The following KCNH1 variants were observed in gnomAD, a reference collection of about 807,000 sequenced individuals.
KCNH1 encodes voltage-gated delayed rectifier potassium channel KCNH1.
Under a neutral mutation model 69.2 loss-of-function variants are expected in KCNH1, and 27 were observed. The ratio of observed to expected loss-of-function variants is 0.39; its 90% CI spans 0.29 to 0.54. The LOEUF is 0.54. KCNH1 is among the 20% of genes least tolerant of loss of function. The probability of loss-of-function intolerance (pLI) is 0.68; values close to 1 mark genes in which losing one functional copy is unlikely to be tolerated. For missense variants in KCNH1, 798 were observed against 1,261.6 expected (o/e 0.63, Z 5.57); for synonymous variants, 456 against 487.7 (o/e 0.93, Z 0.86).
At chr1:211,082,732 G>T in intron 5 of KCNH1, 48 bp downstream of exon 5, 1 of 1,448,468 alleles carries the variant, frequency 6.9e-7, no homozygotes, top group Non-Finnish European at 9.6e-7. Flanking sequence ...CTCAGCCCAT[G>T]CACCCCCTAA....
intron 10 of KCNH1, among the ~76,000 whole-genome samples, chr1:210,724,242 C>T (rs1303053054): frequency 1.3e-5 from 2 of 152,174 alleles, no homozygotes; most frequent in African/African-American, 2.4e-5. Flanking sequence ...GAATCCCAAA[C>T]TACAGTGCCC....
At position 210,844,304 on chromosome 1, in the gene KCNH1, C is replaced by T. The variant is rs189564228; in HGVS notation, c.1463-40138G>A. 8.6e-4 allele frequency among the ~76,000 whole-genome samples: 131 copies of T among 152,180 alleles called. 1 individual carries two copies. In the East Asian group the frequency reaches 0.017, roughly 20 times the overall value. On this transcript the variant is annotated intron_variant, in intron 7 of 10. Transcript: ENST00000271751. Reference sequence around the variant, plus strand: ...TTGGGAGACCAAGGCAGGTGGGTCACGAGGTCAAGAGATCGAGACCATCCT... The same window carrying T: ...TTGGGAGACCAAGGCAGGTGGGTCATGAGGTCAAGAGATCGAGACCATCCT...
intron 6 of KCNH1, among the ~76,000 whole-genome samples, chr1:210,979,488 T>C (rs1688673365): frequency 6.6e-6 from 1 of 152,246 alleles, no homozygotes. Flanking sequence ...TTTTAATTAT[T>C]AGTAACGTTG....
chr1:211,045,197 A>G (rs1373428240), intron 5 of KCNH1, among the ~76,000 whole-genome samples: 1 of 151,722 alleles, frequency 6.6e-6, no homozygotes, highest in African/African-American at 2.4e-5. Flanking sequence ...GCTCTCACTT[A>G]TAAGTAGGAG....
At chr1:210,764,909 CAT>C (rs1683593998) in intron 10 of KCNH1, among the ~76,000 whole-genome samples, 1 of 152,164 alleles carries the variant, frequency 6.6e-6, no homozygotes, top group Non-Finnish European at 1.5e-5. Context: ...CACCTGCACT[CAT>C]ATGTTTATCA....
intron 7 of KCNH1, among the ~76,000 whole-genome samples, chr1:210,808,627 C>T (rs567375845): frequency 1.8e-4 from 28 of 152,068 alleles, no homozygotes; most frequent in South Asian, 1.0e-3. Flanking sequence ...AACTCCTGGC[C>T]TCAAGCAGTC....
At chr1:211,035,500 G>A (rs1413201929) in intron 5 of KCNH1, among the ~76,000 whole-genome samples, 3 of 151,602 alleles carry the variant, frequency 2.0e-5, no homozygotes, top group Non-Finnish European at 2.9e-5. Flanking sequence ...CGCCCGCCTC[G>A]GCCTCCCAAA....
At chr1:211,093,185 G>A (rs191062686) in intron 3 of KCNH1, among the ~76,000 whole-genome samples, 8 of 152,234 alleles carry the variant, frequency 5.3e-5, no homozygotes, top group Admixed American at 3.3e-4. Context: ...GACTACAGGG[G>A]TGGATGACAC....
chr1:211,122,220 G>GA (rs1691700565), intron 1 of KCNH1, among the ~76,000 whole-genome samples: 2 of 151,684 alleles, frequency 1.3e-5, no homozygotes, highest in Non-Finnish European at 2.9e-5. Context: ...ACAAACATAT[G>GA]AAAAAAACTC....
intron 10 of KCNH1, among the ~76,000 whole-genome samples, chr1:210,747,739 G>A (rs1039214121): frequency 1.3e-5 from 2 of 151,616 alleles, no homozygotes; most frequent in Non-Finnish European, 2.9e-5. Context: ...GTATTCTACC[G>A]AGTTCTTTAC....
rs531818889 is a variant in KCNH1 at position 210,729,516 on chromosome 1, G to A, written c.2113-45378C>T. ...TGACACCACATTTCTCTTCACTCAAGAAAGCATATTGAAACTCAAGTGAGT... is the reference window on the plus strand; with the variant it reads ...TGACACCACATTTCTCTTCACTCAAAAAAGCATATTGAAACTCAAGTGAGT... On this transcript the variant is annotated intron_variant, in intron 10 of 10. Transcript: ENST00000271751. 9.8e-5 allele frequency among the ~76,000 whole-genome samples: 15 copies of A among 152,306 alleles called. No homozygotes were observed. The East Asian group carries it at 2.9e-3, about 29-fold the overall frequency.
intron 5 of KCNH1, among the ~76,000 whole-genome samples, chr1:211,044,767 G>A (rs1338077857): frequency 6.6e-6 from 1 of 151,864 alleles, no homozygotes; most frequent in Non-Finnish European, 1.5e-5. Flanking sequence ...TGTCAGCATG[G>A]ATGTGGTGAA....
At chr1:210,689,962 C>T (rs1437339079) in intron 10 of KCNH1, among the ~76,000 whole-genome samples, 2 of 152,224 alleles carry the variant, frequency 1.3e-5, no homozygotes, top group African/African-American at 4.8e-5. Flanking sequence ...TGCTACTCTG[C>T]TGTCCCCTGT....
chr1:210,964,121 G>A (rs1688349935), intron 6 of KCNH1, among the ~76,000 whole-genome samples: 1 of 152,158 alleles, frequency 6.6e-6, no homozygotes, highest in Non-Finnish European at 1.5e-5. Flanking sequence ...AGCCAGAAGT[G>A]GGGACCAATA....
intron 6 of KCNH1, among the ~76,000 whole-genome samples, chr1:211,014,531 G>C (rs1689457518): frequency 6.6e-6 from 1 of 152,172 alleles, no homozygotes; most frequent in Non-Finnish European, 1.5e-5. Flanking sequence ...TATATCCACA[G>C]GGCTGAATTC....
At chr1:210,876,281 A>G (rs1315605680) in intron 7 of KCNH1, among the ~76,000 whole-genome samples, 1 of 152,194 alleles carries the variant, frequency 6.6e-6, no homozygotes, top group African/African-American at 2.4e-5. Context: ...AGATTGGTAG[A>G]TCAAAGAACC....
chr1:210,792,434 T>C (rs1272597547), intron 9 of KCNH1, among the ~76,000 whole-genome samples: 2 of 152,184 alleles, frequency 1.3e-5, no homozygotes, highest in Non-Finnish European at 2.9e-5. Context: ...GTGCTTTCTT[T>C]CCATGTGCTA....
At chr1:210,948,749 C>T (rs1046293894) in intron 6 of KCNH1, among the ~76,000 whole-genome samples, 3 of 151,270 alleles carry the variant, frequency 2.0e-5, no homozygotes, top group South Asian at 2.1e-4. Context: ...AGGAGAATGG[C>T]GTGAACCCAG....
intron 7 of KCNH1, among the ~76,000 whole-genome samples, chr1:210,902,596 G>C (rs1687019295): frequency 6.6e-6 from 1 of 152,188 alleles, no homozygotes; most frequent in African/African-American, 2.4e-5. Flanking sequence ...CCCGCCATAT[G>C]GCTGAAAGTG....
Sources: gnomAD v4.1 joint callset for allele counts (sites outside exome capture counted in the v4.1 genomes callset) on GRCh38, gnomAD v4.1.1 for gene constraint, MANE v1.5 for transcripts, NCBI Gene and HGNC (gene_info 2026-07-23, HGNC 2026-07-21) for gene names.